NID1: variants seen among roughly 807,000 people sequenced by gnomAD.
NID1 encodes the protein nidogen-1.
In NID1, 76 loss-of-function variants were observed where a neutral mutation model predicts 130.6. The ratio of observed to expected loss-of-function variants is 0.58; its 90% CI spans 0.48 to 0.70. The LOEUF (loss-of-function observed/expected upper bound fraction) is 0.70. Ranked by LOEUF, NID1 falls within the 30% of genes least tolerant of loss-of-function variation. The pLI, the probability that NID1 is intolerant of heterozygous loss-of-function variation, is 0.00. For synonymous variants in NID1, 665 were observed against 675.1 expected, an observed-to-expected ratio of 0.98 and a Z score of 0.23; for missense variants, 1,517 against 1,664.8, an observed-to-expected ratio of 0.91 and a Z score of 1.54.
Position 236,017,285 on chromosome 1 carries a change from A to AT in NID1, c.2129-13dup, listed in dbSNP as rs754135577. ...ACATTCATCAATATCTGCAGCAAAAATTTTTTTTTACTGCAGGCTTTTTTT... is the reference window on the plus strand; with the variant it reads ...ACATTCATCAATATCTGCAGCAAAAATTTTTTTTTTACTGCAGGCTTTTTTT... On this transcript the variant is annotated splice_polypyrimidine_tract_variant and intron_variant, in intron 9 of 19. Coordinates refer to ENST00000264187, the MANE Select transcript of NID1 (RefSeq NM_002508.3). 8.8e-5 allele frequency: 141 copies of AT among 1,600,122 alleles called. No individual in the cohort carries two copies. The highest frequency in any genetic ancestry group is 1.3e-4 in the African/African-American group (10 of 74,320).
At chr1:236,012,968 G>A (rs867059715) in intron 11 of NID1, among the ~76,000 whole-genome samples, 29 of 152,286 alleles carry the variant, frequency 1.9e-4, no homozygotes, top group South Asian at 1.0e-3. Flanking sequence ...CTTTGACTCC[G>A]CAGTCATTTA....
rs4584382 is a variant in NID1 at position 236,041,761 on chromosome 1, C to T, written c.1135+149G>A. ...CTGGGCATATAACACCAAGGCTCCACGGCTGTGAGAGTTCAGCCTCTACTT... is the reference window on the plus strand; with the variant it reads ...CTGGGCATATAACACCAAGGCTCCATGGCTGTGAGAGTTCAGCCTCTACTT... On this transcript the variant is annotated intron_variant, in intron 4 of 19. Transcript: ENST00000264187. 0.44 allele frequency: 419,708 copies of T among 964,842 alleles called. 94,470 individuals carry two copies. The highest frequency in any genetic ancestry group is 0.68 in the East Asian group (26,311 of 38,868). The allele number at this position is 964,842 out of a possible 1,614,324, so 59.8% of individuals were successfully genotyped here.
intron 6 of NID1, among the ~76,000 whole-genome samples, 193 bp downstream of exon 6, chr1:236,032,208 T>C (rs1659119234): frequency 6.6e-6 from 1 of 152,166 alleles, no homozygotes; most frequent in Admixed American, 6.5e-5. Flanking sequence ...TTAATGATAA[T>C]ATTACATGTT....
chr1:236,029,618 G>C lies in NID1; in HGVS notation c.1670C>G (p.Pro557Arg), dbSNP rs776225011. The change falls in exon 7 of 20, where the codon CCG (proline) becomes CGG (arginine). Residue 557 changes from proline (P) to arginine (R), a missense_variant. Coordinates refer to ENST00000264187, the MANE Select transcript of NID1 (RefSeq NM_002508.3). ...TIDTELEGRV[P>R]QIPFGSSVHI... ...CACGGAGGAGCCGAACGGAATCTGC[G>C]GCACGCGGCCCTCCAGCTCCGTGTC... 8.7e-6 allele frequency: 14 copies of C among 1,605,310 alleles called. No individual in the cohort carries two copies. Among genetic ancestry groups the C allele is most frequent in the Non-Finnish European group, 1.1e-5 (13 of 1,176,254 alleles).
intron 1 of NID1, among the ~76,000 whole-genome samples, chr1:236,064,104 G>C (rs1487624667): frequency 6.6e-6 from 1 of 152,166 alleles, no homozygotes; most frequent in Non-Finnish European, 1.5e-5. Context: ...AAATCCACAT[G>C]GTGGGCGGCC....
intron 2 of NID1, among the ~76,000 whole-genome samples, chr1:236,046,356 A>G (rs2102843733): frequency 6.6e-6 from 1 of 152,300 alleles, no homozygotes; most frequent in South Asian, 2.1e-4. Context: ...TGACATGTGA[A>G]GAAAACATTG....
At chr1:236,031,044 G>A (rs572503561) in intron 6 of NID1, among the ~76,000 whole-genome samples, 8 of 152,306 alleles carry the variant, frequency 5.3e-5, no homozygotes, top group African/African-American at 1.9e-4. Context: ...ATATATGCCT[G>A]TGGACTAGGA....
chr1:236,049,682 C>T (rs1332438691), intron 1 of NID1, among the ~76,000 whole-genome samples: 1 of 152,142 alleles, frequency 6.6e-6, no homozygotes, highest in Non-Finnish European at 1.5e-5. Flanking sequence ...CTAATATTTA[C>T]TGAATACTCA....
rs375470886 is a variant in NID1, at chr1:236,045,509, C to T, written c.700G>A (p.Gly234Arg). The T allele has an allele frequency of 1.1e-5, 18 of 1,614,020 alleles. No homozygotes were observed. Among genetic ancestry groups the T allele is most frequent in the Non-Finnish European group, 1.4e-5 (17 of 1,180,040 alleles). ...TCATTAGCAAATATGTTATAAGCTC[C>T]GTTGCTCTTCCATAAGAATCCCACT... ...GSVGFLWKSN[G>R]AYNIFANDRE... The change falls in exon 3 of 20, where the codon GGA becomes AGA. Residue 234 changes from glycine to arginine, a missense_variant. Around this residue, in one of 3 missense-constraint regions of NID1, gnomAD observed 1,329 missense variants for 1,429.2 expected, o/e 0.93. Transcript: ENST00000264187.
chr1:235,985,409 C>T lies in NID1; in HGVS notation c.3025G>A (p.Gly1009Ser). The T allele has an allele frequency of 1.2e-6, 2 of 1,614,090 alleles. No individual in the cohort carries two copies. Among genetic ancestry groups the T allele is most frequent in the Non-Finnish European group, 1.7e-6 (2 of 1,179,982 alleles). The change falls in exon 15 of 20, where the codon GGT becomes AGT. Residue 1009 changes from glycine (G) to serine (S), a missense_variant. Coordinates refer to ENST00000264187, the MANE Select transcript of NID1 (RefSeq NM_002508.3). Reference sequence around the variant, plus strand: ...CTAATGATGGTGGTTGGCTCTCCACCATGTAGACTAGCTCTCCCAATGGAA... The same window carrying T: ...CTAATGATGGTGGTTGGCTCTCCACTATGTAGACTAGCTCTCCCAATGGAA... ...EPSIGRASLH[G>S]GEPTTIIRQD...
intron 6 of NID1, among the ~76,000 whole-genome samples, chr1:236,030,253 G>A (rs1255595362): frequency 6.6e-6 from 1 of 151,992 alleles, no homozygotes; most frequent in East Asian, 1.9e-4. Context: ...AACCATCCTA[G>A]GATCACCTGC....
chr1:236,061,527 G>A (rs575496737), intron 1 of NID1, among the ~76,000 whole-genome samples: 6 of 151,994 alleles, frequency 3.9e-5, no homozygotes, highest in Admixed American at 2.6e-4. Flanking sequence ...GTGCAATGGC[G>A]CGATCTTGGC....
intron 12 of NID1, among the ~76,000 whole-genome samples, chr1:235,995,061 G>C (rs1177593451): frequency 6.6e-6 from 1 of 152,170 alleles, no homozygotes; most frequent in Non-Finnish European, 1.5e-5. Context: ...GTACAACTCA[G>C]ATCTTAAGAC....
chr1:236,065,006 G>C lies in NID1; in HGVS notation c.74C>G (p.Pro25Arg), dbSNP rs746968028. 6.4e-6 allele frequency: 10 copies of C among 1,556,062 alleles called. No individual in the cohort carries two copies. The highest frequency in any genetic ancestry group is 8.7e-6 in the Non-Finnish European group (10 of 1,150,634). Residue 25 changes from proline (P) to arginine (R), a missense_variant, in exon 1 of 20, where the codon CCT becomes CGT. Around this residue, in one of 3 missense-constraint regions of NID1, gnomAD observed 1,329 missense variants for 1,429.2 expected, o/e 0.93. Transcript: ENST00000264187. The surrounding 1 kb of genome is among the most constrained non-coding windows in gnomAD (Gnocchi z 4.1). ...CTCCTGGCGGCTCAGGCAGCCCACA[G>C]GCCCCGCCAGCAGCAGCGGCAGCAG... Reference protein sequence around the residue: ...ALLLPLLLAGPVGCLSRQELF... With the variant: ...ALLLPLLLAGRVGCLSRQELF...
chr1:235,979,806 G>A lies in NID1; in HGVS notation c.3509+16C>T. On this transcript the variant is annotated intron_variant, in intron 18 of 19. Coordinates refer to ENST00000264187, the MANE Select transcript of NID1 (RefSeq NM_002508.3). This position sits in a 1 kb window ranked among gnomAD's most constrained non-coding sequence, Gnocchi z 4.6. ...GGGGCAGGCCCACGCAGCCCCCATG[G>A]CTACAGCTGACGTACATCTTCCAGT... The A allele has an allele frequency of 6.2e-7, 1 of 1,612,752 alleles. No individual in the cohort carries two copies. Among genetic ancestry groups the A allele is most frequent in the Non-Finnish European group, 8.5e-7 (1 of 1,179,188 alleles).
chr1:236,048,611 A>G, intron 2 of NID1, 79 bp downstream of exon 2: 1 of 1,467,984 alleles, frequency 6.8e-7, no homozygotes, highest in Non-Finnish European at 9.2e-7. Context: ...CTTATGTCAA[A>G]GCAGCACAAG....
chr1:236,006,368 G>A (rs892409969), intron 12 of NID1, among the ~76,000 whole-genome samples: 3 of 152,100 alleles, frequency 2.0e-5, no homozygotes, highest in Admixed American at 1.3e-4. Context: ...ATACACTCCC[G>A]ATGAAAGATC....
At chr1:235,981,536 A>G in intron 16 of NID1, 75 bp downstream of exon 16, 3 of 1,480,238 alleles carry the variant, frequency 2.0e-6, no homozygotes, top group Non-Finnish European at 2.8e-6. Flanking sequence ...CTGGAGTTAA[A>G]GCCTCACATC....
At chr1:236,018,738 C>T (rs1011235472) in intron 9 of NID1, among the ~76,000 whole-genome samples, 3 of 152,212 alleles carry the variant, frequency 2.0e-5, no homozygotes, top group Non-Finnish European at 4.4e-5. Flanking sequence ...AGCCCCTAGC[C>T]TAAAACAAAT....
Sources: allele counts gnomAD v4.1 joint callset (sites outside exome capture counted in the v4.1 genomes callset), GRCh38; gene constraint gnomAD v4.1.1; regional missense constraint gnomAD v4.1.1; non-coding constraint Gnocchi (gnomAD v3.1); transcripts MANE v1.5; gene names NCBI Gene and HGNC (gene_info 2026-07-23, HGNC 2026-07-21).